The following MYO7B variants were observed in gnomAD, a reference collection of about 807,000 sequenced individuals.
MYO7B encodes unconventional myosin-VIIb.
A neutral mutation model predicts 259.7 loss-of-function variants in MYO7B; 212 were observed. The ratio of observed to expected loss-of-function variants is 0.82; its 90% CI spans 0.73 to 0.91. MYO7B has a LOEUF of 0.91. MYO7B is among the 40% of genes least tolerant of loss of function. The probability of loss-of-function intolerance (pLI) is 0.00; values close to 1 mark genes in which losing one functional copy is unlikely to be tolerated. For missense variants in MYO7B, 2,732 were observed against 2,813.5 expected (o/e 0.97, Z 0.66); for synonymous variants, 1,197 against 1,166.4 (o/e 1.03, Z -0.54).
rs1245025167 is a variant in MYO7B, at chr2:127,607,388, G to A, written c.2607G>A (p.Met869Ile). 2.6e-6 allele frequency: 4 copies of A among 1,551,280 alleles called. No individual in the cohort carries two copies. The highest frequency in any genetic ancestry group is 3.5e-6 in the Non-Finnish European group (4 of 1,146,862). The change falls in exon 21 of 48, where the codon ATG becomes ATA. Residue 869 changes from methionine to isoleucine, a missense_variant. Met to Ile is a conservative substitution (Grantham distance 10, BLOSUM62 1). This residue lies in a region of MYO7B where 1,906 missense variants were observed against 2,026.4 expected (regional missense o/e 0.94). Transcript: ENST00000409816. The surrounding 1 kb of genome is among the most constrained non-coding windows in gnomAD (Gnocchi z 4.4). ...VVVIQAHARG[M>I]AARRNFQQRK... ...TCATTCAGGCCCATGCCAGGGGCATGGCTGCCCGGCGCAACTTCCAGCAAA... is the reference window on the plus strand; with the variant it reads ...TCATTCAGGCCCATGCCAGGGGCATAGCTGCCCGGCGCAACTTCCAGCAAA...
chr2:127,599,869 G>A (rs1157515997), intron 19 of MYO7B, among the ~76,000 whole-genome samples: 1 of 152,154 alleles, frequency 6.6e-6, no homozygotes, highest in African/African-American at 2.4e-5. Context: ...ACACCACTCG[G>A]TCATAGTGTA....
In MYO7B at chr2:127,584,775, C is replaced by T. The variant is rs1679236604; in HGVS notation, c.1555-3C>T. 6.2e-7 allele frequency: 1 copy of T among 1,613,678 alleles called. No homozygotes were observed. The highest frequency in any genetic ancestry group is 8.5e-7 in the Non-Finnish European group (1 of 1,179,720). The stretch of plus-strand genomic sequence containing the variant: ...AGCCCACAGGGTGTCTGGGTTCTTC[C>T]AGGGGACAGATCTCACCATGCTGCA... On this transcript the variant is annotated splice_region_variant and splice_polypyrimidine_tract_variant and intron_variant, in intron 13 of 47. Transcript: ENST00000409816. The surrounding 1 kb of genome is among the most constrained non-coding windows in gnomAD (Gnocchi z 5.8).
In MYO7B at chr2:127,634,765, C is replaced by T. The variant is rs1010722063; in HGVS notation, c.5713+82C>T. On this transcript the variant is annotated intron_variant, in intron 42 of 47. Coordinates refer to ENST00000409816, the MANE Select transcript of MYO7B (RefSeq NM_001393586.1). The stretch of plus-strand genomic sequence containing the variant: ...CTGGCGGCCTCTGTGCGGCCCATGC[C>T]CATTCATCCATCCATTCGTTCCCGT... 1.9e-5 allele frequency: 24 copies of T among 1,264,160 alleles called. No individual in the cohort carries two copies. The East Asian group carries it at 6.0e-4, about 31-fold the overall frequency. The allele number at this position is 1,264,160 out of a possible 1,614,324, so 78.3% of individuals were successfully genotyped here.
chr2:127,635,127 C>A lies in MYO7B; in HGVS notation c.5721C>A (p.Pro1907=), dbSNP rs752276856. ...CTGCTGGCCCTCGCCCAGGGGCCCC[C>A]GTGACGCTCCCCTACCAGGTGTACT... ...KKNKPQKEGA[P]VTLPYQVYFM... is the part of the protein sequence containing the mutation. The change falls in exon 43 of 48, where the codon CCC becomes CCA. Residue 1907 remains proline (P), a synonymous_variant. Transcript: ENST00000409816. 1 of 1,612,116 alleles carries A rather than the reference C, an allele frequency of 6.2e-7. No individual in the cohort carries two copies. Among genetic ancestry groups the A allele is most frequent in the Non-Finnish European group, 8.5e-7 (1 of 1,179,282 alleles).
chr2:127,612,309 C>A lies in MYO7B; in HGVS notation c.3252C>A (p.Ser1084=). The A allele has an allele frequency of 1.1e-6, 1 of 929,138 alleles. No homozygotes were observed. Among genetic ancestry groups the A allele is most frequent in the Non-Finnish European group, 1.7e-6 (1 of 596,176 alleles). The allele number at this position is 929,138 out of a possible 1,614,324, so 57.6% of individuals were successfully genotyped here. The change falls in exon 25 of 48, where the codon TCC becomes TCA. Residue 1084 remains serine, a synonymous_variant. Coordinates refer to ENST00000409816, the MANE Select transcript of MYO7B (RefSeq NM_001393586.1). Reference sequence around the variant, plus strand: ...TCTCCTCCATGAAGCTGAAGCGGTCCTCCCGGATCACAGGCCAGGTGAGCC... The same window carrying A: ...TCTCCTCCATGAAGCTGAAGCGGTCATCCCGGATCACAGGCCAGGTGAGCC... ...KDISSMKLKR[S]SRITGQVASQ...
chr2:127,602,021 C>T (rs1020932170), intron 19 of MYO7B, among the ~76,000 whole-genome samples: 3 of 152,076 alleles, frequency 2.0e-5, no homozygotes, highest in African/African-American at 7.2e-5. Context: ...CTCAAGTCTG[C>T]CATTTTATTT....
chr2:127,593,544 A>G lies in MYO7B; in HGVS notation c.2146-2A>G, dbSNP rs1384311790. 1.9e-6 allele frequency: 3 copies of G among 1,612,410 alleles called. No homozygotes were observed. The Admixed American group carries it at 5.0e-5, about 27-fold the overall frequency. ...ACCGATACCCCCGTTTGGTCTTGGC[A>G]GCTGCAAGGCAAGCTCCGCCAGATG... On this transcript the variant is annotated splice_acceptor_variant, in intron 17 of 47. Transcript: ENST00000409816. LOFTEE classifies it high-confidence loss of function.
At chr2:127,617,231 C>T (rs1198411190) in intron 26 of MYO7B, among the ~76,000 whole-genome samples, 1 of 152,178 alleles carries the variant, frequency 6.6e-6, no homozygotes, top group Non-Finnish European at 1.5e-5. Flanking sequence ...CAAAAGAAGA[C>T]GGTACAAGCC....
chr2:127,614,333 G>A lies in MYO7B; in HGVS notation c.3398+1730G>A, dbSNP rs1411577553. On this transcript the variant is annotated intron_variant, in intron 26 of 47. Transcript: ENST00000409816. The surrounding 1 kb of genome is among the most constrained non-coding windows in gnomAD (Gnocchi z 4.6). ...CTTCTAGAAAATGGGCTGCCTGCTTGTGTGGGATCCCATCTAGATGCCTGA... is the reference window on the plus strand; with the variant it reads ...CTTCTAGAAAATGGGCTGCCTGCTTATGTGGGATCCCATCTAGATGCCTGA... 3.9e-5 allele frequency among the ~76,000 whole-genome samples: 6 copies of A among 152,052 alleles called. No individual in the cohort carries two copies. Among genetic ancestry groups the A allele is most frequent in the Non-Finnish European group, 7.4e-5 (5 of 68,026 alleles).
intron 7 of MYO7B, among the ~76,000 whole-genome samples, chr2:127,574,660 A>T (rs958494152): frequency 1.3e-5 from 2 of 152,320 alleles, no homozygotes; most frequent in Admixed American, 6.5e-5. Context: ...GGTGGGCCGT[A>T]TCTTCAGGTA....
chr2:127,600,311 C>G lies in MYO7B; in HGVS notation c.2339+3755C>G, dbSNP rs555918855. Among the ~76,000 whole-genome samples, 3 of 152,332 alleles carry G rather than the reference C, an allele frequency of 2.0e-5. No individual in the cohort carries two copies. The South Asian group carries it at 6.2e-4, about 32-fold the overall frequency. On this transcript the variant is annotated intron_variant, in intron 19 of 47. Coordinates refer to ENST00000409816, the MANE Select transcript of MYO7B (RefSeq NM_001393586.1). The stretch of plus-strand genomic sequence containing the variant: ...GTTCATAATATTCCCTTATTATCCT[C>G]TTGATATCTGCAGACTCTGTAATGA...
At chr2:127,599,852 G>A (rs576491828) in intron 19 of MYO7B, among the ~76,000 whole-genome samples, 1 of 152,276 alleles carries the variant, frequency 6.6e-6, no homozygotes, top group South Asian at 2.1e-4. Context: ...TTGCATCCCT[G>A]GAGGAAACAC....
In MYO7B at chr2:127,620,181, G is replaced by T. The variant is rs1558840869; in HGVS notation, c.3399-159G>T. The stretch of plus-strand genomic sequence containing the variant: ...TAGGGATGCAGAGCCTGGTGGCACT[G>T]TCCTGAGAGAGGAGGAGGCTGGGCA... On this transcript the variant is annotated intron_variant, in intron 26 of 47. Transcript: ENST00000409816. The T allele has an allele frequency of 3.4e-5, 27 of 787,618 alleles. No homozygotes were observed. The Middle Eastern group carries it at 1.8e-3, about 53-fold the overall frequency. The allele number at this position is 787,618 out of a possible 1,614,324, so 48.8% of individuals were successfully genotyped here. A position where few individuals can be genotyped will look rare whatever the true frequency, so the allele number is the denominator to read the frequency against.
rs540683833 is a variant in MYO7B, at chr2:127,576,885, G to A, written c.849+177G>A. On this transcript the variant is annotated intron_variant, in intron 8 of 47. Transcript: ENST00000409816. The surrounding 1 kb of genome is among the most constrained non-coding windows in gnomAD (Gnocchi z 4.9). Reference sequence around the variant, plus strand: ...CTCTCTGCTGGGAATCACCTTGCCCGCGTGCCTCCCGCTTCCCCGTCACAT... The same window carrying A: ...CTCTCTGCTGGGAATCACCTTGCCCACGTGCCTCCCGCTTCCCCGTCACAT... Among the ~76,000 whole-genome samples, 1 of 152,116 alleles carries A rather than the reference G, an allele frequency of 6.6e-6. No homozygotes were observed. Among genetic ancestry groups the A allele is most frequent in the South Asian group, 2.1e-4 (1 of 4,822 alleles).
Position 127,597,441 on chromosome 2 carries a change from C to T in MYO7B, c.2339+885C>T, listed in dbSNP as rs550387929. ...TTTAGCCACGCCCCCTCCCTCACACCTGCCCCCAGTGCTGCTTAACCCCAG... is the reference window on the plus strand; with the variant it reads ...TTTAGCCACGCCCCCTCCCTCACACTTGCCCCCAGTGCTGCTTAACCCCAG... On this transcript the variant is annotated intron_variant, in intron 19 of 47. Transcript: ENST00000409816. The surrounding 1 kb of genome is among the most constrained non-coding windows in gnomAD (Gnocchi z 4.8). Among the ~76,000 whole-genome samples the T allele has an allele frequency of 1.3e-5, 2 of 152,152 alleles. No individual in the cohort carries two copies. Among genetic ancestry groups the T allele is most frequent in the East Asian group, 1.9e-4 (1 of 5,182 alleles).
chr2:127,637,649 TG>T lies in MYO7B; in HGVS notation c.*234del. The T allele has an allele frequency of 2.3e-6, 1 of 440,676 alleles. No homozygotes were observed. The highest frequency in any genetic ancestry group is 6.4e-5 in the South Asian group (1 of 15,720). The allele number at this position is 440,676 out of a possible 1,614,324, so 27.3% of individuals were successfully genotyped here. A position where few individuals can be genotyped will look rare whatever the true frequency, so the allele number is the denominator to read the frequency against. ...GAGTCTCGGACCCCCAGGCTATTGGTGGATGACTGACTGACAGGACACCTCC... is the reference window on the plus strand; with the variant it reads ...GAGTCTCGGACCCCCAGGCTATTGGTGATGACTGACTGACAGGACACCTCC... On this transcript the variant is annotated 3_prime_UTR_variant, in exon 48 of 48. Coordinates refer to ENST00000409816, the MANE Select transcript of MYO7B (RefSeq NM_001393586.1).
At chr2:127,624,844 C>T (rs1437137882) in intron 30 of MYO7B, among the ~76,000 whole-genome samples, 2 of 152,222 alleles carry the variant, frequency 1.3e-5, no homozygotes, top group African/African-American at 2.4e-5. Context: ...AGGCACAACC[C>T]TCCCTGTGCC....
At chr2:127,631,804 G>A (rs563898933) in intron 38 of MYO7B, 51 bp downstream of exon 38, 207 of 1,583,482 alleles carry the variant, frequency 1.3e-4, no homozygotes, top group African/African-American at 1.9e-4. Flanking sequence ...TCCTCATCCC[G>A]GCCCCTGAGG....
chr2:127,630,673 C>T, intron 35 of MYO7B, 105 bp from the exon 36 acceptor site: 1 of 1,526,004 alleles, frequency 6.6e-7, no homozygotes, highest in Non-Finnish European at 8.9e-7. Context: ...CAGCCCTGGG[C>T]CTGACCCCTC....
Sources: allele counts gnomAD v4.1 joint callset (sites outside exome capture counted in the v4.1 genomes callset), GRCh38; gene constraint gnomAD v4.1.1; regional missense constraint gnomAD v4.1.1; non-coding constraint Gnocchi (gnomAD v3.1); transcripts MANE v1.5; gene names NCBI Gene and HGNC (gene_info 2026-07-23, HGNC 2026-07-21).